The following ABCA6 variants were observed in gnomAD, a reference collection of about 807,000 sequenced individuals.
The protein encoded by ABCA6 is ATP binding cassette subfamily A member 6, also known as ATP-binding cassette sub-family A member 6.
In ABCA6, 164 loss-of-function variants were observed where a neutral mutation model predicts 191.2. That is an observed-to-expected ratio of 0.86 (90% CI 0.76 to 0.98). The LOEUF (loss-of-function observed/expected upper bound fraction) is 0.98, where lower values mean the gene tolerates loss of function less well. Ranked by LOEUF, ABCA6 falls within the 50% of genes least tolerant of loss-of-function variation. ABCA6 has a pLI of 0.00. For missense variants in ABCA6, 1,958 were observed against 1,894.1 expected, an observed-to-expected ratio of 1.03 and a Z score of -0.63; for synonymous variants, 636 against 647.7, an observed-to-expected ratio of 0.98 and a Z score of 0.27.
intron 6 of ABCA6, among the ~76,000 whole-genome samples, chr17:69,131,047 A>C (rs1266208181): frequency 6.6e-6 from 1 of 152,186 alleles, no homozygotes; most frequent in Non-Finnish European, 1.5e-5. Flanking sequence ...AGAGTGTTTT[A>C]GCCCACGTGT....
Position 69,083,008 on chromosome 17 carries a change from A to G in ABCA6, c.4481T>C (p.Ile1494Thr), listed in dbSNP as rs144815656. Reference sequence around the variant, plus strand: ...GTTTTTCAGGTGTTGGATGGAGCCAATGCATCTATGGGCAAGAAAGAGAAT... The same window carrying G: ...GTTTTTCAGGTGTTGGATGGAGCCAGTGCATCTATGGGCAAGAAAGAGAAT... ...AIMVSGRLRC[I>T]GSIQHLKNKL... is the part of the protein sequence containing the mutation. Residue 1494 changes from isoleucine to threonine, a missense_variant, in exon 36 of 39, where the codon ATT becomes ACT. Transcript: ENST00000284425. The G allele has an allele frequency of 1.5e-4, 245 of 1,614,190 alleles. No individual in the cohort carries two copies. The highest frequency in any genetic ancestry group is 2.0e-4 in the Non-Finnish European group (238 of 1,180,030).
rs749963428 is a variant in ABCA6, at chr17:69,134,719, C to G, written c.484G>C (p.Glu162Gln). 8 of 1,613,560 alleles carry G rather than the reference C, an allele frequency of 5.0e-6. No homozygotes were observed. In the East Asian group the frequency reaches 1.8e-4, roughly 36 times the overall value. The change falls in exon 5 of 39, where the codon GAG becomes CAG. Residue 162 changes from glutamate to glutamine, a missense_variant. Physicochemically the swap from Glu to Gln is conservative, Grantham distance 29. Transcript: ENST00000284425. ...FSAHCWDGYGEFSCTLTKYWN... is the reference protein window; with the variant it reads ...FSAHCWDGYGQFSCTLTKYWN... ...TATTTGGTCAATGTACATGAAAACTCACCATATCCATCCCAGCAATGAGCT... is the reference window on the plus strand; with the variant it reads ...TATTTGGTCAATGTACATGAAAACTGACCATATCCATCCCAGCAATGAGCT...
At chr17:69,127,249 AT>A (rs2073771431) in intron 8 of ABCA6, among the ~76,000 whole-genome samples, 2 of 152,286 alleles carry the variant, frequency 1.3e-5, no homozygotes, top group South Asian at 4.1e-4. Flanking sequence ...GATTCCTTAC[AT>A]TGATTTTTAC....
chr17:69,128,535 G>A, intron 8 of ABCA6, 84 bp downstream of exon 8: 1 of 966,704 alleles, frequency 1.0e-6, no homozygotes, highest in Non-Finnish European at 1.4e-6. Flanking sequence ...AAAGCTCTTA[G>A]TTTGAGTAGT....
At chr17:69,088,923 A>C (rs2144620041) in intron 27 of ABCA6, among the ~76,000 whole-genome samples, 1 of 152,186 alleles carries the variant, frequency 6.6e-6, no homozygotes, top group South Asian at 2.1e-4. Flanking sequence ...GCTCTTCTCG[A>C]AGCCTTTCCT....
At chr17:69,110,988 A>G in intron 16 of ABCA6, 48 bp from the exon 17 acceptor site, 8 of 1,527,854 alleles carry the variant, frequency 5.2e-6, no homozygotes, top group African/African-American at 1.4e-5. Context: ...CTCCACCACT[A>G]TCACAAAAGA....
intron 37 of ABCA6, among the ~76,000 whole-genome samples, chr17:69,079,733 C>T (rs530153969): frequency 2.6e-5 from 4 of 152,256 alleles, no homozygotes; most frequent in East Asian, 1.9e-4. Flanking sequence ...ACCATTTATA[C>T]GCTAAGAATC....
chr17:69,084,231 C>A, intron 34 of ABCA6, 30 bp downstream of exon 34: 1 of 1,605,056 alleles, frequency 6.2e-7, no homozygotes, highest in South Asian at 1.1e-5. Context: ...AATGTGCATG[C>A]TCGCAGCTCT....
chr17:69,111,124 A>G, intron 16 of ABCA6, 184 bp from the exon 17 acceptor site: 1 of 499,248 alleles, frequency 2.0e-6, no homozygotes, highest in East Asian at 3.3e-5. Context: ...ATATATGGAA[A>G]ATGTATAAGC....
intron 32 of ABCA6, 137 bp downstream of exon 32, chr17:69,084,891 T>C: frequency 9.6e-7 from 1 of 1,038,854 alleles, no homozygotes; most frequent in Non-Finnish European, 1.3e-6. Flanking sequence ...GTCTTGTCCC[T>C]CATCCCTGCT....
At chr17:69,101,032 T>G in intron 21 of ABCA6, 98 bp from the exon 22 acceptor site, 1 of 1,016,342 alleles carries the variant, frequency 9.8e-7, no homozygotes, top group Non-Finnish European at 1.4e-6. Context: ...ACATGCTTGT[T>G]GTGTGTCCAT....
In ABCA6 at chr17:69,136,123, A is replaced by G. The variant is rs2073943568; in HGVS notation, c.429T>C (p.Tyr143=). 2 of 1,610,262 alleles carry G rather than the reference A, an allele frequency of 1.2e-6. No individual in the cohort carries two copies. Among genetic ancestry groups the G allele is most frequent in the South Asian group, 1.1e-5 (1 of 90,540 alleles). The change falls in exon 4 of 39, where the codon TAT becomes TAC. Residue 143 remains tyrosine (Y), a synonymous_variant. Transcript: ENST00000284425. The stretch of plus-strand genomic sequence containing the variant: ...AATCTTCTTTCCAAAGTGGACTGTT[A>G]TATCCCTGGAAAAATATTAACTTAT... The part of the protein sequence containing the change: ...FSYKLIFFQG[Y]NSPLWKEDFS...
intron 2 of ABCA6, among the ~76,000 whole-genome samples, chr17:69,137,963 T>A (rs762917170): frequency 6.6e-6 from 1 of 152,210 alleles, no homozygotes; most frequent in Admixed American, 6.6e-5. Context: ...ATGTCAATCA[T>A]CATTACCTCT....
chr17:69,094,530 T>G (rs1383611005), intron 25 of ABCA6: 1 of 154,400 alleles, frequency 6.5e-6, no homozygotes, highest in Non-Finnish European at 1.5e-5. Flanking sequence ...GTCTATAATG[T>G]TTTCCAACCC....
In ABCA6 at chr17:69,096,624, T is replaced by C; in HGVS notation, c.3294+4A>G. 6.6e-7 allele frequency: 1 copy of C among 1,521,464 alleles called. No individual in the cohort carries two copies. The allele number at this position is 1,521,464 out of a possible 1,614,324, so 94.2% of individuals were successfully genotyped here. The stretch of plus-strand genomic sequence containing the variant: ...AAATTTGGTTTATGTACTGTGTTAC[T>C]TACCAAAGCAAACACAATTTGGCTT... On this transcript the variant is annotated splice_donor_region_variant and intron_variant, in intron 24 of 38. Coordinates refer to ENST00000284425, the MANE Select transcript of ABCA6 (RefSeq NM_080284.3).
chr17:69,108,774 A>G (rs1031732695), intron 17 of ABCA6: 6 of 152,228 alleles, frequency 3.9e-5, no homozygotes, highest in African/African-American at 1.4e-4. Context: ...TGACCCGCAC[A>G]TGGCAGCAAT....
chr17:69,108,431 C>A (rs2073350686), intron 17 of ABCA6: 1 of 152,004 alleles, frequency 6.6e-6, no homozygotes, highest in Non-Finnish European at 1.5e-5. Flanking sequence ...AACTCACTGG[C>A]CTTGTTTATT....
chr17:69,092,423 A>G (rs1051064223), intron 25 of ABCA6, among the ~76,000 whole-genome samples: 1 of 152,134 alleles, frequency 6.6e-6, no homozygotes, highest in African/African-American at 2.4e-5. Flanking sequence ...GACTCCTCTT[A>G]TTCTACCAGA....
intron 17 of ABCA6, chr17:69,108,624 C>T (rs1313347065): frequency 6.6e-6 from 1 of 152,098 alleles, no homozygotes; most frequent in Non-Finnish European, 1.5e-5. Context: ...GGTAACTCTT[C>T]TATGGAGATA....
Sources: gnomAD v4.1 joint callset for allele counts (sites outside exome capture counted in the v4.1 genomes callset) on GRCh38, gnomAD v4.1.1 for gene constraint, MANE v1.5 for transcripts, NCBI Gene and HGNC (gene_info 2026-07-23, HGNC 2026-07-21) for gene names.